The following EXTL3 variants were observed in gnomAD, a reference collection of about 807,000 sequenced individuals.
EXTL3 encodes exostosin like glycosyltransferase 3, also known as exostosin-like 3.
In EXTL3, 27 loss-of-function variants were observed where a neutral mutation model predicts 69.3. The observed-to-expected ratio is 0.39, with a 90% CI of 0.29 to 0.54. EXTL3 has a LOEUF of 0.54. Among genes scored for constraint, EXTL3 ranks in the 20% least tolerant of loss-of-function variants. EXTL3 has a pLI of 0.69. For missense variants in EXTL3, 1,003 were observed against 1,231.8 expected (o/e 0.81, Z 2.78); for synonymous variants, 511 against 499.4 (o/e 1.02, Z -0.31).
upstream of EXTL3, among the ~76,000 whole-genome samples, chr8:28,699,268 C>A (rs1800734814): frequency 1.3e-5 from 2 of 152,068 alleles, no homozygotes; most frequent in African/African-American, 4.8e-5. Context: ...CTGTAAAGGA[C>A]CAGCTTGCAG....
chr8:28,652,434 A>T (rs988325612), intron 1 of EXTL3, among the ~76,000 whole-genome samples: 4 of 151,794 alleles, frequency 2.6e-5, no homozygotes, highest in Non-Finnish European at 5.9e-5. Context: ...AGGTGGGAGG[A>T]TTGCTTGAGC....
At chr8:28,641,475 G>A in intron 1 of EXTL3, among the ~76,000 whole-genome samples, 1 of 152,084 alleles carries the variant, frequency 6.6e-6, no homozygotes, top group Non-Finnish European at 1.5e-5. Flanking sequence ...TTGGGGAAAA[G>A]TATTTAATTT....
At chr8:28,700,135 C>T (rs926780666), upstream of EXTL3, 4 of 152,144 alleles carry the variant, frequency 2.6e-5, no homozygotes, top group Non-Finnish European at 5.9e-5. Context: ...ACTTTGCCTC[C>T]TCCTGTCTTG....
chr8:28,613,206 C>T (rs961206447), intron 2 of EXTL3, among the ~76,000 whole-genome samples: 19 of 151,654 alleles, frequency 1.3e-4, no homozygotes, highest in Non-Finnish European at 2.4e-4. Context: ...TTTTTTGAGA[C>T]GGAGTCTCAC....
chr8:28,619,777 T>G (rs986716103), upstream of EXTL3, among the ~76,000 whole-genome samples: 2 of 143,220 alleles, frequency 1.4e-5, no homozygotes, highest in South Asian at 2.4e-4. Context: ...ACACCACACA[T>G]TAGCGCTTTT....
intron 1 of EXTL3, among the ~76,000 whole-genome samples, chr8:28,680,006 G>A (rs1449265613): frequency 6.6e-6 from 1 of 151,006 alleles, no homozygotes; most frequent in Admixed American, 6.6e-5. Flanking sequence ...AGCAGCATTA[G>A]TTCTTTTTTA....
At chr8:28,657,375 T>C (rs1394481389) in intron 1 of EXTL3, among the ~76,000 whole-genome samples, 1 of 152,246 alleles carries the variant, frequency 6.6e-6, no homozygotes, top group Admixed American at 6.5e-5. Flanking sequence ...CAGTCATCTC[T>C]GCATCCACTG....
rs966098930 is a variant in EXTL3 at position 28,716,526 on chromosome 8, C to A, written c.467C>A (p.Pro156His). The A allele has an allele frequency of 4.3e-6, 7 of 1,614,114 alleles. No homozygotes were observed. The highest frequency in any genetic ancestry group is 5.9e-6 in the Non-Finnish European group (7 of 1,180,032). ...MAQNQPKLSLPIRLLPEKDDA... is the reference protein window; with the variant it reads ...MAQNQPKLSLHIRLLPEKDDA... ...CAGAACCAGCCCAAGCTGTCCCTGC[C>A]CATCCGACTGCTCCCAGAGAAGGAC... The change falls in exon 3 of 7, where the codon CCC (proline) becomes CAC (histidine). Residue 156 changes from proline (P) to histidine (H), a missense_variant. Around this residue, in one of 2 missense-constraint regions of EXTL3, gnomAD observed 742 missense variants for 815.4 expected, o/e 0.91. Transcript: ENST00000220562. The surrounding 1 kb of genome is among the most constrained non-coding windows in gnomAD (Gnocchi z 7.1).
intron 2 of EXTL3, among the ~76,000 whole-genome samples, chr8:28,614,260 T>TG (rs1236446610): frequency 6.7e-6 from 1 of 149,648 alleles, no homozygotes; most frequent in Admixed American, 6.7e-5. Context: ...GTTTACTTTG[T>TG]GGGGTTTTTT....
At chr8:28,747,986 C>A (rs999176503) in intron 6 of EXTL3, among the ~76,000 whole-genome samples, 2 of 152,090 alleles carry the variant, frequency 1.3e-5, no homozygotes, top group African/African-American at 2.4e-5. Context: ...CCTTGGCCTC[C>A]CAAAGTGCTG....
intron 5 of EXTL3, among the ~76,000 whole-genome samples, chr8:28,739,414 C>T (rs190835159): frequency 6.6e-6 from 1 of 152,110 alleles, no homozygotes; most frequent in South Asian, 2.1e-4. Context: ...TTAGCCTCCA[C>T]CTCTTGGGCC....
At chr8:28,739,174 G>A (rs576470875) in intron 5 of EXTL3, among the ~76,000 whole-genome samples, 2 of 152,110 alleles carry the variant, frequency 1.3e-5, no homozygotes, top group Non-Finnish European at 2.9e-5. Context: ...CATATCTCCC[G>A]TTTGTCCCTC....
At chr8:28,640,568 G>T (rs1196569517) in intron 1 of EXTL3, among the ~76,000 whole-genome samples, 3 of 152,090 alleles carry the variant, frequency 2.0e-5, no homozygotes, top group African/African-American at 4.8e-5. Context: ...CTTCACCATG[G>T]TATTAACACT....
At chr8:28,683,726 C>G (rs10110394) in intron 1 of EXTL3, among the ~76,000 whole-genome samples, 2,000 of 151,994 alleles carry the variant, frequency 0.013, 36 homozygotes, top group African/African-American at 0.046. Context: ...AGGAGAATGG[C>G]GAGAACCCAG....
chr8:28,724,672 C>T (rs150787747), intron 3 of EXTL3, among the ~76,000 whole-genome samples: 3,087 of 151,738 alleles, frequency 0.02, 128 homozygotes, highest in African/African-American at 0.071. Context: ...CAGTGGCGGA[C>T]GCCTGTAATC....
intron 1 of EXTL3, among the ~76,000 whole-genome samples, chr8:28,647,071 C>T (rs73232988): frequency 0.085 from 12,892 of 151,844 alleles, 744 homozygotes; most frequent in Middle Eastern, 0.13. Context: ...TTCTAATCCA[C>T]GGCTGTTGCT....
chr8:28,711,961 G>A (rs1801038962), intron 1 of EXTL3, among the ~76,000 whole-genome samples: 1 of 152,140 alleles, frequency 6.6e-6, no homozygotes, highest in African/African-American at 2.4e-5. Flanking sequence ...CACTGGGCTG[G>A]GTGCTGGCCA....
At position 28,717,079 on chromosome 8, in the gene EXTL3, A is replaced by T. The variant is rs1801169421; in HGVS notation, c.1020A>T (p.Lys340Asn). The T allele has an allele frequency of 3.7e-6, 6 of 1,614,100 alleles. No homozygotes were observed. Among genetic ancestry groups the T allele is most frequent in the Non-Finnish European group, 5.1e-6 (6 of 1,180,038 alleles). Residue 340 changes from lysine to asparagine, a missense_variant, in exon 3 of 7, where the codon AAA becomes AAT. Lys to Asn is a moderately conservative substitution (Grantham distance 94, BLOSUM62 0). This residue lies in a region of EXTL3 where 742 missense variants were observed against 815.4 expected (regional missense o/e 0.91). Transcript: ENST00000220562. The surrounding 1 kb of genome is among the most constrained non-coding windows in gnomAD (Gnocchi z 8.3). ...EIPPQVPVKR[K>N]YLFTFQGEKI... ...CACCACAGGTGCCGGTGAAGCGGAAATATCTCTTCACCTTCCAGGGCGAGA... is the reference window on the plus strand; with the variant it reads ...CACCACAGGTGCCGGTGAAGCGGAATTATCTCTTCACCTTCCAGGGCGAGA...
chr8:28,730,342 G>A (rs540859980), intron 3 of EXTL3: 104 of 152,258 alleles, frequency 6.8e-4, no homozygotes, highest in African/African-American at 2.5e-3. Flanking sequence ...ACAAAATAAT[G>A]GTTCCCCTTT....
Sources: allele counts gnomAD v4.1 joint callset (sites outside exome capture counted in the v4.1 genomes callset), GRCh38; gene constraint gnomAD v4.1.1; regional missense constraint gnomAD v4.1.1; non-coding constraint Gnocchi (gnomAD v3.1); transcripts MANE v1.5; gene names NCBI Gene and HGNC (gene_info 2026-07-23, HGNC 2026-07-21).